UTP25: variants seen among roughly 807,000 people sequenced by gnomAD.
UTP25 encodes UTP25 small subunit processome component, also known as U3 small nucleolar RNA-associated protein 25 homolog.
In UTP25, 50 loss-of-function variants were observed where a neutral mutation model predicts 78.9. The observed-to-expected ratio is 0.63, with a 90% CI of 0.50 to 0.80. The LOEUF is 0.80. Ranked by LOEUF, UTP25 falls within the 30% of genes least tolerant of loss-of-function variation. The pLI is 0.00. For missense variants in UTP25, 846 were observed against 911.3 expected, an observed-to-expected ratio of 0.93 and a Z score of 0.92; for synonymous variants, 329 against 336.5, an observed-to-expected ratio of 0.98 and a Z score of 0.24.
At position 209,834,781 on chromosome 1, in the gene UTP25, C is replaced by A. The variant is rs980702101; in HGVS notation, c.563-294C>A. ...CAGAAGAATTTGAGGGCCATATAGT[C>A]CAGAAATGATAACGGAGATGCAGGT... On this transcript the variant is annotated intron_variant, in intron 4 of 11. Transcript: ENST00000491415. 1.3e-5 allele frequency among the ~76,000 whole-genome samples: 2 copies of A among 152,092 alleles called. 1 individual carries two copies. The highest frequency in any genetic ancestry group is 4.1e-4 in the South Asian group (2 of 4,822).
rs2078252742 is a variant in UTP25, at chr1:209,853,418, A to G, written c.*1971A>G. 1 of 150,676 alleles carries G rather than the reference A, an allele frequency of 6.6e-6. No homozygotes were observed. The highest frequency in any genetic ancestry group is 1.5e-5 in the Non-Finnish European group (1 of 67,948). 9.3% of individuals were successfully genotyped at this position (150,676 alleles called of 1,614,324 possible). On this transcript the variant is annotated 3_prime_UTR_variant, in exon 12 of 12. Coordinates refer to ENST00000491415, the MANE Select transcript of UTP25 (RefSeq NM_014388.7). ...GTTGCCCAGGCTGGAGTACACTGGC[A>G]TGATCTTGGCTTACTGCAATCTGTG...
intron 11 of UTP25, among the ~76,000 whole-genome samples, chr1:209,848,829 G>A (rs199521749): frequency 6.6e-6 from 1 of 152,278 alleles, no homozygotes; most frequent in East Asian, 1.9e-4. Context: ...GAATGTAGAG[G>A]CTGAAGTAAA....
intron 6 of UTP25, among the ~76,000 whole-genome samples, chr1:209,838,285 T>C (rs2078145408): frequency 6.6e-6 from 1 of 152,212 alleles, no homozygotes; most frequent in African/African-American, 2.4e-5. Context: ...GCATCTTCGG[T>C]TTTTATTCTC....
chr1:209,851,770 A>G lies in UTP25; in HGVS notation c.*323A>G, dbSNP rs1572010743. On this transcript the variant is annotated 3_prime_UTR_variant, in exon 12 of 12. Transcript: ENST00000491415. ...TTACGATTTACCTCTAATTTATTACACTTAGTAAATTCTTCCAGATTTTTC... is the reference window on the plus strand; with the variant it reads ...TTACGATTTACCTCTAATTTATTACGCTTAGTAAATTCTTCCAGATTTTTC... The G allele has an allele frequency of 5.1e-6, 1 of 197,720 alleles. No individual in the cohort carries two copies. Among genetic ancestry groups the G allele is most frequent in the East Asian group, 1.3e-4 (1 of 7,830 alleles). The allele number at this position is 197,720 out of a possible 1,614,324, so 12.2% of individuals were successfully genotyped here.
intron 10 of UTP25, 198 bp downstream of exon 10, chr1:209,842,893 A>G: frequency 1.7e-6 from 1 of 586,004 alleles, no homozygotes; most frequent in Non-Finnish European, 3.0e-6. Context: ...TAGGTCTCAT[A>G]ACTAGTTAGT....
At chr1:209,844,707 A>T (rs1294039621) in intron 11 of UTP25, 2 of 151,048 alleles carry the variant, frequency 1.3e-5, no homozygotes, top group Non-Finnish European at 2.9e-5. Context: ...ACTGTTTGGG[A>T]TAGTGGCGGC....
At chr1:209,847,324 CA>C (rs2078203080) in intron 11 of UTP25, among the ~76,000 whole-genome samples, 1 of 152,124 alleles carries the variant, frequency 6.6e-6, no homozygotes, top group Non-Finnish European at 1.5e-5. Flanking sequence ...GCTTTTACCC[CA>C]AATTCCACCA....
intron 10 of UTP25, 138 bp downstream of exon 10, chr1:209,842,833 A>G: frequency 1.5e-6 from 1 of 658,972 alleles, no homozygotes; most frequent in South Asian, 1.9e-5. Flanking sequence ...TAATTATGTC[A>G]TTTGTCAGAG....
At chr1:209,843,129 G>T (rs754181872) in intron 10 of UTP25, 5 of 393,926 alleles carry the variant, frequency 1.3e-5, no homozygotes, top group African/African-American at 2.0e-5. Flanking sequence ...GATGTTCAGT[G>T]ATTATTTGTT....
In UTP25 at chr1:209,855,061, G is replaced by T. The variant is rs2078265568; in HGVS notation, c.*3614G>T. The stretch of plus-strand genomic sequence containing the variant: ...CAACTTTTAATTAGAGTCAATGAAT[G>T]GGGAGTAAATACACAGATAATCCAA... On this transcript the variant is annotated 3_prime_UTR_variant, in exon 12 of 12. Transcript: ENST00000491415. 1 of 152,190 alleles carries T rather than the reference G, an allele frequency of 6.6e-6. No individual in the cohort carries two copies. The highest frequency in any genetic ancestry group is 2.4e-5 in the African/African-American group (1 of 41,422). The allele number at this position is 152,190 out of a possible 1,614,324, so 9.4% of individuals were successfully genotyped here.
At chr1:209,842,733 T>C (rs762519773) in intron 10 of UTP25, 38 bp downstream of exon 10, 27 of 1,494,980 alleles carry the variant, frequency 1.8e-5, no homozygotes, top group Non-Finnish European at 2.5e-5. Context: ...GGGGACCACA[T>C]AGAGAGATTT....
chr1:209,849,482 G>A (rs775469507), intron 11 of UTP25, among the ~76,000 whole-genome samples: 4 of 152,088 alleles, frequency 2.6e-5, no homozygotes, highest in Admixed American at 6.6e-5. Flanking sequence ...TCCCCCTCAA[G>A]TGGTTTGCCT....
intron 1 of UTP25, among the ~76,000 whole-genome samples, chr1:209,829,587 G>A (rs763754824): frequency 3.3e-5 from 5 of 151,808 alleles, no homozygotes; most frequent in Non-Finnish European, 5.9e-5. Flanking sequence ...GGGCTCAAGC[G>A]GTCCTCCTGC....
At position 209,834,943 on chromosome 1, in the gene UTP25, C is replaced by T. The variant is rs903572734; in HGVS notation, c.563-132C>T. 1.9e-5 allele frequency: 12 copies of T among 629,502 alleles called. No homozygotes were observed. In the African/African-American group the frequency reaches 2.1e-4, roughly 11 times the overall value. The allele number at this position is 629,502 out of a possible 1,614,324, so 39.0% of individuals were successfully genotyped here. On this transcript the variant is annotated intron_variant, in intron 4 of 11. Transcript: ENST00000491415. ...GAAGTTTTTAAGCTCTGGACTTGGC[C>T]AGAGGGTGGGGAAAGTCAATGGAGA...
intron 2 of UTP25, among the ~76,000 whole-genome samples, 191 bp from the exon 3 acceptor site, chr1:209,830,612 G>C (rs2078097954): frequency 6.6e-6 from 1 of 152,086 alleles, no homozygotes; most frequent in Non-Finnish European, 1.5e-5. Flanking sequence ...ATAACCTGAA[G>C]TTTTATGTTT....
Position 209,840,970 on chromosome 1 carries a change from G to A in UTP25, c.1400G>A (p.Arg467Lys). ...TIIGGEGEKK[R>K]DFDFLSSIEL... ...ATTGGTGGAGAAGGAGAGAAGAAGAGAGATTTTGACTTTCTGTCTTCTATC... is the reference window on the plus strand; with the variant it reads ...ATTGGTGGAGAAGGAGAGAAGAAGAAAGATTTTGACTTTCTGTCTTCTATC... Residue 467 changes from arginine (R) to lysine (K), a missense_variant, in exon 8 of 12, where the codon AGA becomes AAA. Transcript: ENST00000491415. The A allele has an allele frequency of 1.2e-6, 2 of 1,614,084 alleles. No homozygotes were observed. Among genetic ancestry groups the A allele is most frequent in the Non-Finnish European group, 1.7e-6 (2 of 1,179,984 alleles).
rs1290852627 is a variant in UTP25, at chr1:209,833,267, C to A, written c.471C>A (p.Phe157Leu). Residue 157 changes from phenylalanine to leucine, a missense_variant, in exon 4 of 12, where the codon TTC becomes TTA. Phe to Leu is a conservative substitution (Grantham distance 22). Transcript: ENST00000491415. The stretch of plus-strand genomic sequence containing the variant: ...CATCACAAACATCCCCCGAAGAGTT[C>A]ACAGATGCAAAACACGAGTCACTGT... Reference protein sequence around the residue: ...PGTSQTSPEEFTDAKHESLFS... With the variant: ...PGTSQTSPEELTDAKHESLFS... 4 of 1,610,178 alleles carry A rather than the reference C, an allele frequency of 2.5e-6. No individual in the cohort carries two copies. Among genetic ancestry groups the A allele is most frequent in the East Asian group, 2.2e-5 (1 of 44,700 alleles).
chr1:209,840,086 G>A (rs560674140), intron 7 of UTP25, among the ~76,000 whole-genome samples: 124 of 152,290 alleles, frequency 8.1e-4, no homozygotes, highest in African/African-American at 2.8e-3. Context: ...CACAGGCTTC[G>A]GTATGGTGGA....
chr1:209,828,017 G>T lies in UTP25; in HGVS notation c.-47G>T. 2 of 1,497,140 alleles carry T rather than the reference G, an allele frequency of 1.3e-6. No homozygotes were observed. Among genetic ancestry groups the T allele is most frequent in the African/African-American group, 1.4e-5 (1 of 72,512 alleles). 92.7% of individuals were successfully genotyped at this position (1,497,140 alleles called of 1,614,324 possible). A position where few individuals can be genotyped will look rare whatever the true frequency, so the allele number is the denominator to read the frequency against. ...CTTGTGTTGACTGGACAACTTCCTGGTGGAAAACCGCGACTCTTGCAAGTG... is the reference window on the plus strand; with the variant it reads ...CTTGTGTTGACTGGACAACTTCCTGTTGGAAAACCGCGACTCTTGCAAGTG... On this transcript the variant is annotated 5_prime_UTR_variant, in exon 1 of 12. Transcript: ENST00000491415.
Sources: allele counts gnomAD v4.1 joint callset (sites outside exome capture counted in the v4.1 genomes callset), GRCh38; gene constraint gnomAD v4.1.1; transcripts MANE v1.5; gene names NCBI Gene and HGNC (gene_info 2026-07-23, HGNC 2026-07-21).